Variants in SGCD observed in about 807,000 individuals in gnomAD.
SGCD encodes sarcoglycan delta.
A neutral mutation model predicts 36.6 loss-of-function variants in SGCD; 18 were observed. The observed-to-expected ratio is 0.49, with a 90% CI of 0.34 to 0.73. The LOEUF is 0.73. Among genes scored for constraint, SGCD ranks in the 30% least tolerant of loss-of-function variants. The probability of loss-of-function intolerance (pLI) is 0.01; values close to 1 mark genes in which losing one functional copy is unlikely to be tolerated. For synonymous variants in SGCD, 133 were observed against 130.6 expected (o/e 1.02, Z -0.12); for missense variants, 387 against 346.7 (o/e 1.12, Z -0.92).
the SGCD span, among the ~76,000 whole-genome samples, chr5:155,836,106 C>T: frequency 2.0e-5 from 3 of 152,186 alleles, no homozygotes; most frequent in Admixed American, 1.3e-4. Context: ...GTCCTGACTA[C>T]TTCAGTTTCC....
intron 3 of SGCD, among the ~76,000 whole-genome samples, chr5:156,208,796 A>G (rs910847537): frequency 7.2e-5 from 11 of 152,208 alleles, no homozygotes; most frequent in African/African-American, 2.4e-4. Context: ...ACATGGTGGA[A>G]TAGAACTTTC....
intron 7 of SGCD, among the ~76,000 whole-genome samples, chr5:156,736,914 C>A (rs190204136): frequency 3.0e-4 from 45 of 152,256 alleles, no homozygotes; most frequent in South Asian, 1.0e-3. Flanking sequence ...CCAGAACGAC[C>A]TCCATATCGC....
At chr5:156,268,548 T>C (rs954771147) in intron 3 of SGCD, among the ~76,000 whole-genome samples, 9 of 150,758 alleles carry the variant, frequency 6.0e-5, no homozygotes, top group Admixed American at 2.0e-4. Context: ...TGCTATCTCA[T>C]TGTGGTTTTG....
intron 3 of SGCD, among the ~76,000 whole-genome samples, chr5:156,309,786 C>T (rs188915270): frequency 9.2e-5 from 14 of 151,794 alleles, no homozygotes; most frequent in South Asian, 6.2e-4. Context: ...ACGCCCCACC[C>T]GATCTTTGAG....
chr5:156,523,875 G>A (rs536730074), intron 4 of SGCD, among the ~76,000 whole-genome samples: 2 of 151,570 alleles, frequency 1.3e-5, no homozygotes, highest in African/African-American at 2.4e-5. Context: ...GGTTTATGGT[G>A]TTATGAATGT....
At chr5:156,627,401 C>A (rs1283268496) in intron 6 of SGCD, among the ~76,000 whole-genome samples, 1 of 152,088 alleles carries the variant, frequency 6.6e-6, no homozygotes, top group Non-Finnish European at 1.5e-5. Flanking sequence ...CCTTTAATCT[C>A]AAATTAATCA....
At chr5:156,073,684 A>C (rs1184236409) in intron 1 of SGCD, among the ~76,000 whole-genome samples, 1 of 152,232 alleles carries the variant, frequency 6.6e-6, no homozygotes, top group African/African-American at 2.4e-5. Flanking sequence ...TGAGAAATTC[A>C]AGAGACTAAG....
intron 1 of SGCD, among the ~76,000 whole-genome samples, chr5:156,101,563 T>C (rs2127596764): frequency 6.6e-6 from 1 of 152,342 alleles, no homozygotes; most frequent in South Asian, 2.1e-4. Flanking sequence ...GATTTACTCA[T>C]AGATGTCTAT....
chr5:156,744,601 T>C (rs536714073), intron 7 of SGCD, among the ~76,000 whole-genome samples: 51 of 152,320 alleles, frequency 3.3e-4, no homozygotes, highest in Non-Finnish European at 6.2e-4. Context: ...AAGACAACCT[T>C]ACCTAGATTG....
At chr5:156,479,007 C>A (rs1295539972) in intron 3 of SGCD, among the ~76,000 whole-genome samples, 1 of 152,142 alleles carries the variant, frequency 6.6e-6, no homozygotes, top group Admixed American at 6.5e-5. Context: ...TTGATCTTGT[C>A]AGTGTTGGGA....
rs1581163627 is a variant in SGCD, at chr5:156,198,790, G to A, written c.-44+74771G>A. Among the ~76,000 whole-genome samples the A allele has an allele frequency of 3.3e-5, 5 of 152,206 alleles. 1 individual carries two copies. The South Asian group carries it at 1.0e-3, about 32-fold the overall frequency. On this transcript the variant is annotated intron_variant, in intron 3 of 9. Transcript: ENST00000517913. ...CCTGTGCTTCAAATTTCAGGGACTT[G>A]AGACACATTTAGTATAATAGATGTG...
At chr5:155,867,513 A>G (rs1755546854), upstream of SGCD, among the ~76,000 whole-genome samples, 1 of 152,214 alleles carries the variant, frequency 6.6e-6, no homozygotes, top group African/African-American at 2.4e-5. Flanking sequence ...AACAATTCAC[A>G]TGTGGCATTG....
intron 7 of SGCD, among the ~76,000 whole-genome samples, chr5:156,737,679 C>G (rs1756444677): frequency 6.6e-6 from 1 of 152,100 alleles, no homozygotes; most frequent in South Asian, 2.1e-4. Flanking sequence ...GAAGAGAGCA[C>G]AGGGTGACCA....
the SGCD span, among the ~76,000 whole-genome samples, chr5:155,734,896 A>C: frequency 3.3e-5 from 5 of 152,126 alleles, no homozygotes; most frequent in Non-Finnish European, 7.3e-5. Flanking sequence ...ACTGTGTTAG[A>C]TGTCTTTATA....
intron 3 of SGCD, among the ~76,000 whole-genome samples, chr5:156,297,571 A>T (rs1013029371): frequency 1.4e-5 from 2 of 139,850 alleles, no homozygotes; most frequent in African/African-American, 5.4e-5. Context: ...TCTCACTCAT[A>T]GGTGGGAATT....
intron 3 of SGCD, among the ~76,000 whole-genome samples, chr5:156,473,586 A>G (rs900548423): frequency 1.3e-5 from 2 of 152,218 alleles, no homozygotes; most frequent in Non-Finnish European, 2.9e-5. Context: ...CGAGGGGACT[A>G]CTGTGTGTTT....
rs552141275 is a variant in SGCD at position 156,662,964 on chromosome 5, G to A, written c.575+15428G>A. Reference sequence around the variant, plus strand: ...GGGTTTAGGAGGCTCTACAGTGACCGCCCCTAAAAAGGATACCCTATTCCT... The same window carrying A: ...GGGTTTAGGAGGCTCTACAGTGACCACCCCTAAAAAGGATACCCTATTCCT... On this transcript the variant is annotated intron_variant, in intron 7 of 8. Coordinates refer to ENST00000337851, the MANE Select transcript of SGCD (RefSeq NM_000337.6). Among the ~76,000 whole-genome samples, 361 of 150,210 alleles carry A rather than the reference G, an allele frequency of 2.4e-3. 33 individuals are homozygous for A. The highest frequency in any genetic ancestry group is 7.9e-3 in the African/African-American group (318 of 40,066).
chr5:156,084,153 G>A (rs1761036189), intron 1 of SGCD, among the ~76,000 whole-genome samples: 1 of 152,102 alleles, frequency 6.6e-6, no homozygotes, highest in Non-Finnish European at 1.5e-5. Flanking sequence ...AATTTGACAG[G>A]CATTGCATCA....
intron 1 of SGCD, among the ~76,000 whole-genome samples, chr5:155,955,100 G>C (rs532286210): frequency 9.9e-4 from 150 of 152,216 alleles, no homozygotes; most frequent in African/African-American, 3.4e-3. Flanking sequence ...GATTGGATGA[G>C]GCCTACTTGT....
Sources: allele counts gnomAD v4.1 joint callset (sites outside exome capture counted in the v4.1 genomes callset), GRCh38; gene constraint gnomAD v4.1.1; transcripts MANE v1.5; gene names NCBI Gene and HGNC (gene_info 2026-07-23, HGNC 2026-07-21).